Variants in OLFM4 observed in about 807,000 individuals in gnomAD.
The protein encoded by OLFM4 is olfactomedin-4.
OLFM4 carries 22 observed loss-of-function variants against 25.5 expected under a neutral mutation model. That is an observed-to-expected ratio of 0.86 (90% CI 0.62 to 1.23). The LOEUF is 1.23. OLFM4 is among the 50% of genes most tolerant of loss of function. The pLI is 0.00. For missense variants in OLFM4, 594 were observed against 619.4 expected (o/e 0.96, Z 0.44); for synonymous variants, 255 against 237.7 (o/e 1.07, Z -0.67).
At chr13:53,046,440 G>A (rs1333400695) in intron 4 of OLFM4, among the ~76,000 whole-genome samples, 3 of 152,126 alleles carry the variant, frequency 2.0e-5, no homozygotes, top group Non-Finnish European at 4.4e-5. Flanking sequence ...TTCTATAGAG[G>A]GTTCCTCAAA....
intron 2 of OLFM4, 36 bp from the exon 3 acceptor site, chr13:53,041,871 ACTC>A: frequency 7.0e-7 from 1 of 1,433,242 alleles, no homozygotes; most frequent in Non-Finnish European, 9.8e-7. Context: ...GTGTGATACT[ACTC>A]AGGGAATTGG....
chr13:53,041,848 G>T, intron 2 of OLFM4, 62 bp from the exon 3 acceptor site: 1 of 1,174,216 alleles, frequency 8.5e-7, no homozygotes. Context: ...GGGCTCGGTA[G>T]TGGAAGAAGA....
Position 53,050,609 on chromosome 13 carries a change from T to A in OLFM4, c.1371T>A (p.Tyr457Ter), listed in dbSNP as rs117593555. Residue 457 changes from tyrosine (Y) to a stop codon, truncating the protein, a stop_gained, in exon 5 of 5, where the codon TAT (tyrosine) becomes TAA (stop). Transcript: ENST00000219022. LOFTEE classifies it low-confidence loss of function (END_TRUNC). The part of the protein sequence containing the change: ...NTRTEEIFYY[Y>*]DTNTGKEGKL... ...GAACAGAAGAGATTTTTTACTATTA[T>A]GACACAAACACAGGGAAAGAGGGCA... 2 of 1,614,032 alleles carry A rather than the reference T, an allele frequency of 1.2e-6. No individual in the cohort carries two copies. Among genetic ancestry groups the A allele is most frequent in the East Asian group, 2.2e-5 (1 of 44,852 alleles).
intron 2 of OLFM4, among the ~76,000 whole-genome samples, chr13:53,041,388 C>T (rs1354461563): frequency 6.6e-6 from 1 of 152,122 alleles, no homozygotes; most frequent in Non-Finnish European, 1.5e-5. Flanking sequence ...AAACCAAATA[C>T]CACATGTTCT....
rs1954742383 is a variant in OLFM4, at chr13:53,050,584, G to C, written c.1346G>C (p.Arg449Thr). 2.5e-6 allele frequency: 4 copies of C among 1,613,944 alleles called. No individual in the cohort carries two copies. The highest frequency in any genetic ancestry group is 3.4e-6 in the Non-Finnish European group (4 of 1,179,964). Residue 449 changes from arginine (R) to threonine (T), a missense_variant, in exon 5 of 5, where the codon AGA becomes ACA. Transcript: ENST00000219022. The stretch of plus-strand genomic sequence containing the variant: ...TATGCCACCCGTACTATGAACACCA[G>C]AACAGAAGAGATTTTTTACTATTAT... ...VLYATRTMNT[R>T]TEEIFYYYDT... is the part of the protein sequence containing the mutation.
chr13:53,048,802 A>G (rs1322281118), intron 4 of OLFM4, among the ~76,000 whole-genome samples: 3 of 152,168 alleles, frequency 2.0e-5, no homozygotes, highest in Non-Finnish European at 2.9e-5. Flanking sequence ...GAGCAGCAGG[A>G]CGAGGGAAAA....
intron 4 of OLFM4, among the ~76,000 whole-genome samples, chr13:53,047,460 T>C (rs958040214): frequency 6.6e-6 from 1 of 152,164 alleles, no homozygotes; most frequent in Non-Finnish European, 1.5e-5. Context: ...TTGGCAGCAA[T>C]GTTGAGTTCT....
At position 53,051,976 on chromosome 13, in the gene OLFM4, C is replaced by G. The variant is rs1421891006; in HGVS notation, c.*1205C>G. 1.3e-5 allele frequency: 2 copies of G among 152,096 alleles called. No individual in the cohort carries two copies. Among genetic ancestry groups the G allele is most frequent in the Admixed American group, 1.3e-4 (2 of 15,262 alleles). The allele number at this position is 152,096 out of a possible 1,614,324, so 9.4% of individuals were successfully genotyped here. ...CTTTGTCTATTTTTCCTTTGATGTT[C>G]AAGTCCTAGTCTATAGGATTGGCAG... is the stretch of plus-strand genomic sequence containing the variant. On this transcript the variant is annotated 3_prime_UTR_variant, in exon 5 of 5. Coordinates refer to ENST00000219022, the MANE Select transcript of OLFM4 (RefSeq NM_006418.5).
intron 1 of OLFM4, among the ~76,000 whole-genome samples, chr13:53,029,682 G>A (rs1954618563): frequency 6.6e-6 from 1 of 152,200 alleles, no homozygotes; most frequent in Non-Finnish European, 1.5e-5. Context: ...TCGCCTAGGG[G>A]AGTGTTCACT....
At position 53,028,943 on chromosome 13, in the gene OLFM4, C is replaced by T; in HGVS notation, c.107C>T (p.Ser36Phe). 6.2e-7 allele frequency: 1 copy of T among 1,614,244 alleles called. No individual in the cohort carries two copies. Among genetic ancestry groups the T allele is most frequent in the African/African-American group, 1.3e-5 (1 of 75,070 alleles). ...CCAATTCCCAGCCCCGGCTTCAGCT[C>T]TTTCCCAGGTGTTGACTCCAGCTCC... The part of the protein sequence containing the change: ...GPPIPSPGFS[S>F]FPGVDSSSSF... Residue 36 changes from serine (S) to phenylalanine (F), a missense_variant, in exon 1 of 5, where the codon TCT becomes TTT. Coordinates refer to ENST00000219022, the MANE Select transcript of OLFM4 (RefSeq NM_006418.5).
chr13:53,049,364 C>T (rs1041937936), intron 4 of OLFM4, among the ~76,000 whole-genome samples: 2 of 152,126 alleles, frequency 1.3e-5, no homozygotes, highest in African/African-American at 4.8e-5. Flanking sequence ...ATATTTAAAA[C>T]ATCCTCTTCT....
Position 53,028,992 on chromosome 13 carries a change from G to A in OLFM4, c.156G>A (p.Ser52=), listed in dbSNP as rs749255901. 26 of 1,613,944 alleles carry A rather than the reference G, an allele frequency of 1.6e-5. No individual in the cohort carries two copies. In the Admixed American group the frequency reaches 2.2e-4, roughly 13 times the overall value. Residue 52 remains serine, a synonymous_variant, in exon 1 of 5, where the codon TCG becomes TCA. Transcript: ENST00000219022. ...CCAGCTTCAGCTCCAGCTCCAGGTCGGGCTCCAGCTCCAGCCGCAGCTTAG... is the reference window on the plus strand; with the variant it reads ...CCAGCTTCAGCTCCAGCTCCAGGTCAGGCTCCAGCTCCAGCCGCAGCTTAG... ...SSSSFSSSSR[S]GSSSSRSLGS... is the part of the protein sequence containing the mutation.
intron 4 of OLFM4, among the ~76,000 whole-genome samples, chr13:53,049,271 A>G (rs1954731754): frequency 2.6e-5 from 4 of 152,170 alleles, no homozygotes; most frequent in Admixed American, 2.0e-4. Context: ...GGAGCAGGCA[A>G]TGTTGCCCCA....
At position 53,051,094 on chromosome 13, in the gene OLFM4, A is replaced by G. The variant is rs1274121186; in HGVS notation, c.*323A>G. 4.3e-6 allele frequency: 1 copy of G among 230,476 alleles called. No individual in the cohort carries two copies. Among genetic ancestry groups the G allele is most frequent in the Non-Finnish European group, 8.3e-6 (1 of 120,200 alleles). 14.3% of individuals were successfully genotyped at this position (230,476 alleles called of 1,614,324 possible). A position where few individuals can be genotyped will look rare whatever the true frequency, so the allele number is the denominator to read the frequency against. On this transcript the variant is annotated 3_prime_UTR_variant, in exon 5 of 5. Coordinates refer to ENST00000219022, the MANE Select transcript of OLFM4 (RefSeq NM_006418.5). ...TAAATTAGGAATTAAGGAACTTAAA[A>G]CTCAGTATGGCGTCTAGGGATTCTT...
At chr13:53,033,307 A>G (rs1241683013) in intron 1 of OLFM4, among the ~76,000 whole-genome samples, 1 of 152,234 alleles carries the variant, frequency 6.6e-6, no homozygotes, top group Admixed American at 6.5e-5. Flanking sequence ...TTATTAAAAA[A>G]AATTGCACAA....
At chr13:53,036,937 T>A (rs2138234236) in intron 2 of OLFM4, among the ~76,000 whole-genome samples, 1 of 152,324 alleles carries the variant, frequency 6.6e-6, no homozygotes, top group East Asian at 1.9e-4. Flanking sequence ...CTCTCTTTCC[T>A]CTTGGCCATG....
chr13:53,036,735 T>C (rs560318655), intron 2 of OLFM4, among the ~76,000 whole-genome samples: 1 of 152,254 alleles, frequency 6.6e-6, no homozygotes, highest in Non-Finnish European at 1.5e-5. Context: ...AGTTTGTTTG[T>C]GCTTTTTCAA....
Position 53,048,542 on chromosome 13 carries a change from G to A in OLFM4, c.731-1427G>A, listed in dbSNP as rs1443124177. On this transcript the variant is annotated intron_variant, in intron 4 of 4. Transcript: ENST00000219022. ...CTTTGAGCAGTCCTTGGGTGAGGAGGATGGGGAGGGAAAGCATTTAGCAAG... is the reference window on the plus strand; with the variant it reads ...CTTTGAGCAGTCCTTGGGTGAGGAGAATGGGGAGGGAAAGCATTTAGCAAG... 7.2e-5 allele frequency among the ~76,000 whole-genome samples: 11 copies of A among 152,290 alleles called. No individual in the cohort carries two copies. In the East Asian group the frequency reaches 1.9e-3, roughly 27 times the overall value.
At chr13:53,038,750 C>T (rs1373693027) in intron 2 of OLFM4, among the ~76,000 whole-genome samples, 2 of 152,214 alleles carry the variant, frequency 1.3e-5, no homozygotes, top group Non-Finnish European at 2.9e-5. Context: ...CTGCACCTCC[C>T]AGGAGGAGCT....
Sources: gnomAD v4.1 joint callset for allele counts (sites outside exome capture counted in the v4.1 genomes callset) on GRCh38, gnomAD v4.1.1 for gene constraint, MANE v1.5 for transcripts, NCBI Gene and HGNC (gene_info 2026-07-23, HGNC 2026-07-21) for gene names.